CREBBP: variants seen among roughly 807,000 people sequenced by gnomAD.
CREBBP encodes the protein CREB binding lysine acetyltransferase.
Under a neutral mutation model 265.0 loss-of-function variants are expected in CREBBP, and 19 were observed. The observed-to-expected ratio is 0.07, with a 90% CI of 0.05 to 0.11. The LOEUF is 0.11. CREBBP is among the 10% of genes least tolerant of loss of function. The probability of loss-of-function intolerance (pLI) is 1.00; values close to 1 mark genes in which losing one functional copy is unlikely to be tolerated. For missense variants in CREBBP, 2,525 were observed against 3,219.0 expected (o/e 0.78, Z 5.22); for synonymous variants, 1,457 against 1,223.7 (o/e 1.19, Z -3.98).
chr16:3,869,622 T>C (rs1404103130), intron 1 of CREBBP, among the ~76,000 whole-genome samples: 4 of 152,114 alleles, frequency 2.6e-5, no homozygotes, highest in African/African-American at 7.2e-5. Context: ...TAAAATTTAG[T>C]TCCTAAGTCA....
Position 3,727,682 on chromosome 16 carries a change from A to G in CREBBP, c.*36T>C, listed in dbSNP as rs761355594. 1 of 1,613,188 alleles carries G rather than the reference A, an allele frequency of 6.2e-7. No homozygotes were observed. The highest frequency in any genetic ancestry group is 8.5e-7 in the Non-Finnish European group (1 of 1,180,002). ...CTGGATTTTCAGTACAAAAGGTCCA[A>G]GAACATGAAAGGGAAAAGGTGATGC... On this transcript the variant is annotated 3_prime_UTR_variant, in exon 31 of 31. Transcript: ENST00000262367.
At chr16:3,795,616 C>A (rs1037196075) in intron 3 of CREBBP, among the ~76,000 whole-genome samples, 4 of 152,186 alleles carry the variant, frequency 2.6e-5, no homozygotes, top group Non-Finnish European at 4.4e-5. Flanking sequence ...CCTGGCCCCT[C>A]CTTTATTTTT....
At chr16:3,749,518 T>C (rs2151367307) in intron 21 of CREBBP, 109 bp downstream of exon 21, 1 of 739,204 alleles carries the variant, frequency 1.4e-6, no homozygotes, top group Non-Finnish European at 2.3e-6. Context: ...GAAATTCCAC[T>C]TACGGCAACA....
At chr16:3,730,493 C>T (rs1456768245) in intron 30 of CREBBP, 1 of 159,496 alleles carries the variant, frequency 6.3e-6, no homozygotes, top group Non-Finnish European at 1.4e-5. Flanking sequence ...TGATGGAGCC[C>T]TAGGACCAGG....
At chr16:3,848,363 CA>C (rs2054713257) in intron 2 of CREBBP, among the ~76,000 whole-genome samples, 1 of 152,134 alleles carries the variant, frequency 6.6e-6, no homozygotes, top group Non-Finnish European at 1.5e-5. Flanking sequence ...CCAGACCTTT[CA>C]GGGGGACCAT....
intron 5 of CREBBP, among the ~76,000 whole-genome samples, chr16:3,789,709 T>TAA (rs113579931): frequency 7.9e-5 from 12 of 151,094 alleles, no homozygotes; most frequent in African/African-American, 2.9e-4. Context: ...CATACTTTTG[T>TAA]AAAAAAAAAC....
chr16:3,800,975 C>T (rs997274355), intron 3 of CREBBP, among the ~76,000 whole-genome samples: 4 of 152,158 alleles, frequency 2.6e-5, no homozygotes, highest in African/African-American at 4.8e-5. Flanking sequence ...TTTCTCCTCC[C>T]AGTCCATCTT....
intron 1 of CREBBP, among the ~76,000 whole-genome samples, chr16:3,876,678 T>C (rs2055409914): frequency 6.6e-6 from 1 of 152,076 alleles, no homozygotes; most frequent in Admixed American, 6.5e-5. Context: ...TACAAGAAAA[T>C]GCTACTTTAA....
Position 3,835,576 on chromosome 16 carries a change from C to CTTTT in CREBBP, c.798+14717_798+14720dup, listed in dbSNP as rs1021938849. Among the ~76,000 whole-genome samples, 201 of 117,404 alleles carry CTTTT rather than the reference C, an allele frequency of 1.7e-3. 1 individual carries two copies. The highest frequency in any genetic ancestry group is 3.3e-3 in the African/African-American group (97 of 29,700). 77.0% of individuals were successfully genotyped at this position (117,404 alleles called of 152,430 possible). A position where few individuals can be genotyped will look rare whatever the true frequency, so the allele number is the denominator to read the frequency against. On this transcript the variant is annotated intron_variant, in intron 2 of 30. Transcript: ENST00000262367. ...CAAAAATGCTCACAGAAGATTTCTT[C>CTTTT]TTTTTTTTTTTTTTTTTTTTTGAGA...
intron 2 of CREBBP, among the ~76,000 whole-genome samples, chr16:3,828,701 G>GA (rs2054286576): frequency 6.6e-6 from 1 of 151,990 alleles, no homozygotes; most frequent in Non-Finnish European, 1.5e-5. Context: ...TGATGCAGTC[G>GA]AAAAAAATAC....
chr16:3,791,797 G>C (rs1016446020), intron 5 of CREBBP, among the ~76,000 whole-genome samples, 184 bp downstream of exon 5: 6 of 152,178 alleles, frequency 3.9e-5, no homozygotes, highest in African/African-American at 1.4e-4. Context: ...TATCACAGCC[G>C]TTCCTGACAC....
At chr16:3,852,593 CAA>C (rs1269666534) in intron 1 of CREBBP, among the ~76,000 whole-genome samples, 4 of 151,966 alleles carry the variant, frequency 2.6e-5, no homozygotes, top group Non-Finnish European at 4.4e-5. Context: ...ACAGAAACTA[CAA>C]AGAGTTAAAA....
chr16:3,772,069 A>C (rs1412736111), intron 13 of CREBBP, among the ~76,000 whole-genome samples: 2 of 152,110 alleles, frequency 1.3e-5, no homozygotes, highest in Non-Finnish European at 2.9e-5. Flanking sequence ...AACCTCAGAA[A>C]GTGAAATGAC....
intron 20 of CREBBP, among the ~76,000 whole-genome samples, chr16:3,750,176 A>T (rs1379208210): frequency 6.6e-6 from 1 of 152,058 alleles, no homozygotes; most frequent in Non-Finnish European, 1.5e-5. Flanking sequence ...AAGTTTTTTT[A>T]ATTTTTTGTA....
At chr16:3,870,307 G>C (rs1332211785) in intron 1 of CREBBP, among the ~76,000 whole-genome samples, 2 of 152,182 alleles carry the variant, frequency 1.3e-5, no homozygotes, top group Non-Finnish European at 2.9e-5. Context: ...AGAGGCAATT[G>C]AGTTTCACTG....
chr16:3,737,024 C>A (rs1426169068), intron 26 of CREBBP: 2 of 644,478 alleles, frequency 3.1e-6, no homozygotes. Flanking sequence ...TGCAACACTT[C>A]TCCCTTGGGG....
At position 3,728,336 on chromosome 16, in the gene CREBBP, G is replaced by A. The variant is rs3751845; in HGVS notation, c.6711C>T (p.Pro2237=). 25,843 of 1,612,204 alleles carry A rather than the reference G, an allele frequency of 0.016. 1,237 individuals carry two copies. Among genetic ancestry groups the A allele is most frequent in the East Asian group, 0.13 (5,733 of 44,804 alleles). ...GCTGCATGGCCGGTGGGTAGCCTCC[G>A]GGTCCTTGAGGCTGCTGGAACTGGC... The part of the protein sequence containing the change: ...GHGQFQQPQG[P]GGYPPAMQQQ... The change falls in exon 31 of 31, where the codon CCC becomes CCT. Residue 2237 remains proline, a synonymous_variant. Transcript: ENST00000262367. This position sits in a 1 kb window ranked among gnomAD's most constrained non-coding sequence, Gnocchi z 8.7.
chr16:3,819,346 T>C (rs2054099264), intron 2 of CREBBP, among the ~76,000 whole-genome samples: 1 of 152,194 alleles, frequency 6.6e-6, no homozygotes, highest in Non-Finnish European at 1.5e-5. Context: ...CTAAACAAGT[T>C]CCTATATGCG....
chr16:3,847,764 C>A (rs1283115736), intron 2 of CREBBP, among the ~76,000 whole-genome samples: 2 of 152,212 alleles, frequency 1.3e-5, no homozygotes, highest in African/African-American at 2.4e-5. Flanking sequence ...CAGACAACAA[C>A]CAAAACATGT....
Sources: allele counts gnomAD v4.1 joint callset (sites outside exome capture counted in the v4.1 genomes callset), GRCh38; gene constraint gnomAD v4.1.1; non-coding constraint Gnocchi (gnomAD v3.1); transcripts MANE v1.5; gene names NCBI Gene and HGNC (gene_info 2026-07-23, HGNC 2026-07-21).